Variants in CA10 observed in about 807,000 individuals in gnomAD.
CA10 encodes the protein carbonic anhydrase-related protein 10.
A neutral mutation model predicts 44.2 loss-of-function variants in CA10; 14 were observed. The ratio of observed to expected loss-of-function variants is 0.32; its 90% CI spans 0.21 to 0.50. The LOEUF (loss-of-function observed/expected upper bound fraction) is 0.50, where lower values mean the gene tolerates loss of function less well. CA10 is among the 20% of genes least tolerant of loss of function. The pLI is 0.99. For missense variants in CA10, 350 were observed against 409.7 expected (o/e 0.85, Z 1.26); for synonymous variants, 159 against 141.6 (o/e 1.12, Z -0.87).
intron 5 of CA10, among the ~76,000 whole-genome samples, chr17:51,649,469 A>G (rs1391239560): frequency 6.6e-6 from 1 of 152,216 alleles, no homozygotes; most frequent in African/African-American, 2.4e-5. Flanking sequence ...CTGTTCTCAT[A>G]TAGTGTGAAG....
Position 51,701,642 on chromosome 17 carries a change from C to T in CA10, c.465+45991G>A, listed in dbSNP as rs1173657750. On this transcript the variant is annotated intron_variant, in intron 4 of 8. Transcript: ENST00000451037. ...TCCTTTTAAATATTATTTATATCCC[C>T]AAATGAAAGTCTCATAATAGTTAAC... 2.0e-5 allele frequency among the ~76,000 whole-genome samples: 3 copies of T among 152,130 alleles called. No individual in the cohort carries two copies. The East Asian group carries it at 5.8e-4, about 29-fold the overall frequency.
At chr17:51,631,982 A>G (rs1182669382) in intron 8 of CA10, among the ~76,000 whole-genome samples, 1 of 152,224 alleles carries the variant, frequency 6.6e-6, no homozygotes, top group Non-Finnish European at 1.5e-5. Flanking sequence ...ATTACCACAG[A>G]AAGTTCTAGT....
intron 1 of CA10, chr17:52,134,786 A>T: frequency 2.0e-6 from 1 of 497,486 alleles, no homozygotes; most frequent in Non-Finnish European, 4.1e-6. Flanking sequence ...TATGCATGAC[A>T]GCTGCCTCTT....
At chr17:51,991,911 C>T (rs1258560739) in intron 2 of CA10, among the ~76,000 whole-genome samples, 1 of 152,114 alleles carries the variant, frequency 6.6e-6, no homozygotes, top group East Asian at 1.9e-4. Flanking sequence ...GCTCTGCCCT[C>T]TCACCTATCT....
chr17:51,813,155 A>G (rs9907560), intron 3 of CA10, among the ~76,000 whole-genome samples: 4,551 of 152,256 alleles, frequency 0.03, 189 homozygotes, highest in African/African-American at 0.096. Flanking sequence ...AGAGGAACAA[A>G]AGCACTGTGC....
At chr17:51,682,705 T>C (rs1460895983) in intron 4 of CA10, among the ~76,000 whole-genome samples, 1 of 152,226 alleles carries the variant, frequency 6.6e-6, no homozygotes, top group African/African-American at 2.4e-5. Flanking sequence ...TCTGAAATTT[T>C]GTATATACAT....
intron 3 of CA10, among the ~76,000 whole-genome samples, chr17:51,780,373 A>G (rs1906010237): frequency 6.6e-6 from 1 of 152,192 alleles, no homozygotes; most frequent in Non-Finnish European, 1.5e-5. Flanking sequence ...AAGATGAGAG[A>G]ACTAAAGATG....
At chr17:52,148,921 T>C (rs1335932188) in intron 1 of CA10, among the ~76,000 whole-genome samples, 1 of 152,190 alleles carries the variant, frequency 6.6e-6, no homozygotes, top group Non-Finnish European at 1.5e-5. Flanking sequence ...CATTTAACAC[T>C]GGGAAAAAAA....
chr17:51,731,653 T>A (rs371139248), intron 4 of CA10, among the ~76,000 whole-genome samples: 12 of 109,172 alleles, frequency 1.1e-4, no homozygotes, highest in Non-Finnish European at 1.6e-4. Context: ...AAGGGGCTGG[T>A]AAAAAAAAAA....
intron 2 of CA10, among the ~76,000 whole-genome samples, chr17:51,962,814 T>C (rs1479642050): frequency 6.6e-6 from 1 of 152,170 alleles, no homozygotes. Context: ...TTAGAAGTCC[T>C]ATTATCTCTG....
intron 2 of CA10, among the ~76,000 whole-genome samples, chr17:51,993,942 A>T (rs983801536): frequency 6.6e-6 from 1 of 152,098 alleles, no homozygotes; most frequent in African/African-American, 2.4e-5. Flanking sequence ...AGGAACCAGT[A>T]GTTACTCTTT....
intron 1 of CA10, among the ~76,000 whole-genome samples, chr17:52,131,390 A>C (rs565716472): frequency 9.4e-4 from 143 of 152,374 alleles, no homozygotes; most frequent in South Asian, 4.8e-3. Flanking sequence ...CTAATGAGGG[A>C]AAATGATTTA....
chr17:52,131,630 C>T (rs908372945), intron 1 of CA10, among the ~76,000 whole-genome samples: 2 of 152,114 alleles, frequency 1.3e-5, no homozygotes, highest in African/African-American at 4.8e-5. Flanking sequence ...TTGTAGAGAG[C>T]TTTCAGTACT....
chr17:52,042,601 T>C (rs879659313), intron 2 of CA10, among the ~76,000 whole-genome samples: 2 of 152,000 alleles, frequency 1.3e-5, no homozygotes, highest in Admixed American at 1.3e-4. Flanking sequence ...ATTTTAGTTT[T>C]ATGTAGTCCA....
intron 1 of CA10, among the ~76,000 whole-genome samples, chr17:52,088,156 A>G (rs1047734719): frequency 1.3e-5 from 2 of 152,182 alleles, no homozygotes; most frequent in African/African-American, 2.4e-5. Flanking sequence ...TGATGAAATA[A>G]TCTGTAAAAC....
intron 3 of CA10, among the ~76,000 whole-genome samples, chr17:51,906,026 G>C (rs147864772): frequency 6.6e-6 from 1 of 151,998 alleles, no homozygotes; most frequent in African/African-American, 2.4e-5. Context: ...ATTATCTTGC[G>C]TGGAGGAGGA....
intron 3 of CA10, among the ~76,000 whole-genome samples, chr17:51,887,565 C>T (rs187883045): frequency 1.3e-5 from 2 of 152,306 alleles, no homozygotes; most frequent in Admixed American, 1.3e-4. Context: ...ACTTTTGGTT[C>T]AGCGAATCTG....
intron 3 of CA10, among the ~76,000 whole-genome samples, chr17:51,924,590 C>T (rs908119218): frequency 2.0e-5 from 3 of 152,310 alleles, no homozygotes; most frequent in African/African-American, 7.2e-5. Flanking sequence ...ACTGATTCAA[C>T]AAGCTCCTTT....
chr17:52,102,230 G>T (rs951673844), intron 1 of CA10, among the ~76,000 whole-genome samples: 3 of 152,172 alleles, frequency 2.0e-5, no homozygotes, highest in Non-Finnish European at 4.4e-5. Flanking sequence ...CTCCTCCAGA[G>T]AATTCTGGCC....
Sources: gnomAD v4.1 joint callset for allele counts (sites outside exome capture counted in the v4.1 genomes callset) on GRCh38, gnomAD v4.1.1 for gene constraint, MANE v1.5 for transcripts, NCBI Gene and HGNC (gene_info 2026-07-23, HGNC 2026-07-21) for gene names.